The following YTHDC2 variants were observed in gnomAD, a reference collection of about 807,000 sequenced individuals.
The protein encoded by YTHDC2 is 3'-5' RNA helicase YTHDC2.
In YTHDC2, 45 loss-of-function variants were observed where a neutral mutation model predicts 174.9. The observed-to-expected ratio is 0.26, with a 90% CI of 0.20 to 0.33. The LOEUF (loss-of-function observed/expected upper bound fraction) is 0.33. Among genes scored for constraint, YTHDC2 ranks in the 10% least tolerant of loss-of-function variants. The probability of loss-of-function intolerance (pLI) is 1.00; values close to 1 mark genes in which losing one functional copy is unlikely to be tolerated. For missense variants in YTHDC2, 1,650 were observed against 1,723.7 expected (o/e 0.96, Z 0.76); for synonymous variants, 657 against 574.5 (o/e 1.14, Z -2.05).
chr5:113,580,077 T>G (rs915882591), intron 24 of YTHDC2, among the ~76,000 whole-genome samples: 2 of 152,040 alleles, frequency 1.3e-5, no homozygotes, highest in Non-Finnish European at 2.9e-5. Context: ...TGTGTCCTCA[T>G]ATGGCAAAAG....
intron 20 of YTHDC2, among the ~76,000 whole-genome samples, chr5:113,565,547 G>A (rs910318687): frequency 1.3e-5 from 2 of 152,152 alleles, no homozygotes; most frequent in Admixed American, 6.5e-5. Context: ...AGAGTGGCAC[G>A]ATTCTTAGAT....
intron 19 of YTHDC2, 69 bp from the exon 20 acceptor site, chr5:113,563,790 G>T: frequency 1.3e-6 from 2 of 1,536,264 alleles, no homozygotes; most frequent in South Asian, 1.2e-5. Flanking sequence ...TCATTTAGGG[G>T]TTTTTAATTA....
At chr5:113,592,227 T>C (rs1779047266) in intron 28 of YTHDC2, 49 bp downstream of exon 28, 2 of 1,514,766 alleles carry the variant, frequency 1.3e-6, no homozygotes, top group African/African-American at 1.4e-5. Flanking sequence ...CTGTTTGTTT[T>C]CTGTTATCCA....
Position 113,594,342 on chromosome 5 carries a change from T to G in YTHDC2, c.*868T>G, listed in dbSNP as rs1220404383. On this transcript the variant is annotated 3_prime_UTR_variant, in exon 30 of 30. Coordinates refer to ENST00000161863, the MANE Select transcript of YTHDC2 (RefSeq NM_022828.5). ...AACTTGATTGAAACAAGTTCAAAAT[T>G]TAAACAAGTTCATACAAGTTTTTAA... 6.6e-6 allele frequency: 1 copy of G among 152,174 alleles called. No homozygotes were observed. The highest frequency in any genetic ancestry group is 1.5e-5 in the Non-Finnish European group (1 of 68,018). The allele number at this position is 152,174 out of a possible 1,614,324, so 9.4% of individuals were successfully genotyped here. A position where few individuals can be genotyped will look rare whatever the true frequency, so the allele number is the denominator to read the frequency against.
At position 113,553,704 on chromosome 5, in the gene YTHDC2, A is replaced by C; in HGVS notation, c.1964+18A>C. ...ACACATAGGTAAGGGCTAAAGCCTT[A>C]TATCTGTTGCTTAAAATAACGGACA... On this transcript the variant is annotated intron_variant, in intron 14 of 29. Coordinates refer to ENST00000161863, the MANE Select transcript of YTHDC2 (RefSeq NM_022828.5). 1 of 1,613,124 alleles carries C rather than the reference A, an allele frequency of 6.2e-7. No homozygotes were observed. The highest frequency in any genetic ancestry group is 8.5e-7 in the Non-Finnish European group (1 of 1,179,406).
chr5:113,563,579 AATT>A, intron 19 of YTHDC2, 87 bp downstream of exon 19: 1 of 1,408,310 alleles, frequency 7.1e-7, no homozygotes. Flanking sequence ...AATTTTGTAT[AATT>A]ATTTTTTATT....
At chr5:113,520,436 A>G (rs776206761) in intron 2 of YTHDC2, among the ~76,000 whole-genome samples, 39 of 152,200 alleles carry the variant, frequency 2.6e-4, no homozygotes, top group Non-Finnish European at 5.3e-4. Context: ...AAAATAAAAA[A>G]TTAGGTCACA....
intron 18 of YTHDC2, 71 bp from the exon 19 acceptor site, chr5:113,563,302 A>G (rs1012860342): frequency 2.2e-6 from 3 of 1,363,596 alleles, no homozygotes; most frequent in African/African-American, 1.5e-5. Context: ...TGTAGTTCCC[A>G]TGATTTCTTT....
intron 18 of YTHDC2, among the ~76,000 whole-genome samples, chr5:113,561,448 T>C (rs930868282): frequency 5.6e-5 from 8 of 142,556 alleles, no homozygotes; most frequent in Non-Finnish European, 1.0e-4. Flanking sequence ...TTTTTATCTA[T>C]CTATCTATCT....
intron 19 of YTHDC2, among the ~76,000 whole-genome samples, 160 bp from the exon 20 acceptor site, chr5:113,563,699 T>C (rs889870739): frequency 1.6e-4 from 25 of 152,220 alleles, no homozygotes; most frequent in African/African-American, 5.8e-4. Flanking sequence ...ACAGTAGATA[T>C]AGTTCTTTTA....
intron 12 of YTHDC2, among the ~76,000 whole-genome samples, chr5:113,552,126 TAAG>T (rs1033905925): frequency 1.3e-5 from 2 of 152,088 alleles, no homozygotes; most frequent in African/African-American, 2.4e-5. Context: ...TACAACCTAT[TAAG>T]AAAATATAAA....
At chr5:113,566,192 G>T (rs1777316878) in intron 21 of YTHDC2, among the ~76,000 whole-genome samples, 173 bp downstream of exon 21, 1 of 152,074 alleles carries the variant, frequency 6.6e-6, no homozygotes, top group Non-Finnish European at 1.5e-5. Context: ...ACTTTTGCTT[G>T]TTGATGAAAA....
Position 113,584,296 on chromosome 5 carries a change from C to T in YTHDC2, c.3648-6C>T. On this transcript the variant is annotated splice_polypyrimidine_tract_variant and splice_region_variant and intron_variant, in intron 25 of 29. Transcript: ENST00000161863. ...ACTGATCTTTGCTTCCTCCTTCTTGCTCAAGAGTACTGATGAAATCTCCAT... is the reference window on the plus strand; with the variant it reads ...ACTGATCTTTGCTTCCTCCTTCTTGTTCAAGAGTACTGATGAAATCTCCAT... 1 of 1,603,530 alleles carries T rather than the reference C, an allele frequency of 6.2e-7. No individual in the cohort carries two copies. Among genetic ancestry groups the T allele is most frequent in the Non-Finnish European group, 8.5e-7 (1 of 1,174,878 alleles).
rs1429579336 is a variant in YTHDC2, at chr5:113,553,319, C to T, written c.1827C>T (p.Ile609=). ...FDDEKVDLDL[I]MHLLYNICHS... is the part of the protein sequence containing the mutation. ...ATGAAAAAGTAGACTTGGATTTGAT[C>T]ATGCATCTTCTATACAATATCTGCC... The change falls in exon 13 of 30, where the codon ATC becomes ATT. Residue 609 remains isoleucine, a synonymous_variant. Coordinates refer to ENST00000161863, the MANE Select transcript of YTHDC2 (RefSeq NM_022828.5). 6.2e-7 allele frequency: 1 copy of T among 1,609,738 alleles called. No homozygotes were observed. Among genetic ancestry groups the T allele is most frequent in the African/African-American group, 1.3e-5 (1 of 74,560 alleles).
rs746194338 is a variant in YTHDC2, at chr5:113,539,150, A to C, written c.1179A>C (p.Glu393Asp). ...ILRTTGYTNK[E>D]MLKYKKEKQQ... Reference sequence around the variant, plus strand: ...GAACAACTGGATATACAAACAAAGAAATGTTAAAATATAAAAAGGAAAAAC... The same window carrying C: ...GAACAACTGGATATACAAACAAAGACATGTTAAAATATAAAAAGGAAAAAC... The change falls in exon 8 of 30, where the codon GAA (glutamate) becomes GAC (aspartate). Residue 393 changes from glutamate to aspartate, a missense_variant. Coordinates refer to ENST00000161863, the MANE Select transcript of YTHDC2 (RefSeq NM_022828.5). 2 of 1,397,962 alleles carry C rather than the reference A, an allele frequency of 1.4e-6. No homozygotes were observed. Among genetic ancestry groups the C allele is most frequent in the South Asian group, 1.5e-5 (1 of 67,892 alleles). 86.6% of individuals were successfully genotyped at this position (1,397,962 alleles called of 1,614,324 possible).
At chr5:113,524,170 T>A (rs1483411096) in intron 2 of YTHDC2, among the ~76,000 whole-genome samples, 4 of 152,168 alleles carry the variant, frequency 2.6e-5, no homozygotes, top group Non-Finnish European at 5.9e-5. Flanking sequence ...CTGAGGTCTG[T>A]GTGCCTTTGG....
intron 23 of YTHDC2, among the ~76,000 whole-genome samples, chr5:113,568,086 G>A (rs1459042954): frequency 6.6e-6 from 1 of 152,002 alleles, no homozygotes; most frequent in East Asian, 1.9e-4. Flanking sequence ...CTGTTGGGAA[G>A]AAATTTTTCT....
intron 2 of YTHDC2, among the ~76,000 whole-genome samples, chr5:113,521,018 G>C (rs1374123313): frequency 2.0e-5 from 3 of 152,162 alleles, no homozygotes; most frequent in Admixed American, 2.0e-4. Context: ...GCAGTATTTG[G>C]ATTTCTGTTC....
chr5:113,526,548 T>C (rs1490292377), intron 3 of YTHDC2, 38 bp from the exon 4 acceptor site: 3 of 1,518,018 alleles, frequency 2.0e-6, no homozygotes, highest in Admixed American at 2.0e-5. Context: ...TTTTCCGTGT[T>C]GATCATACAT....
Sources: allele counts gnomAD v4.1 joint callset (sites outside exome capture counted in the v4.1 genomes callset), GRCh38; gene constraint gnomAD v4.1.1; transcripts MANE v1.5; gene names NCBI Gene and HGNC (gene_info 2026-07-23, HGNC 2026-07-21).